Variants in CFAP74 observed in about 807,000 individuals in gnomAD.
CFAP74 encodes the protein cilia and flagella associated protein 74.
A neutral mutation model predicts 188.9 loss-of-function variants in CFAP74; 124 were observed. The ratio of observed to expected loss-of-function variants is 0.66; its 90% CI spans 0.57 to 0.76. The LOEUF is 0.76. CFAP74 is among the 30% of genes least tolerant of loss of function. The pLI, the probability that CFAP74 is intolerant of heterozygous loss-of-function variation, is 0.00. For synonymous variants in CFAP74, 956 were observed against 916.7 expected, an observed-to-expected ratio of 1.04 and a Z score of -0.77; for missense variants, 2,198 against 2,165.2, an observed-to-expected ratio of 1.02 and a Z score of -0.30.
At position 1,940,396 on chromosome 1, in the gene CFAP74, G is replaced by A. The variant is rs781714473; in HGVS notation, c.2623C>T (p.Leu875Phe). 6.5e-7 allele frequency: 1 copy of A among 1,529,302 alleles called. No homozygotes were observed. The highest frequency in any genetic ancestry group is 1.2e-5 in the South Asian group (1 of 83,050). The allele number at this position is 1,529,302 out of a possible 1,614,324, so 94.7% of individuals were successfully genotyped here. ...AAATACCTCCCTGCGTCCTCCGGGA[G>A]GGAGTGTCTGAAAGAGGCAGACAAG... ...VQLKFLPRHS[L>F]PEDAGRYFDK... The change falls in exon 23 of 39, where the codon CTC becomes TTC. Residue 875 changes from leucine to phenylalanine, a missense_variant. By Grantham distance (22) the Leu-to-Phe change is conservative. Transcript: ENST00000682832.
Position 1,974,006 on chromosome 1 carries a change from G to A in CFAP74, c.674+19C>T, listed in dbSNP as rs763588177. 3 of 1,532,516 alleles carry A rather than the reference G, an allele frequency of 2.0e-6. No individual in the cohort carries two copies. The highest frequency in any genetic ancestry group is 2.0e-5 in the Admixed American group (1 of 51,008). The allele number at this position is 1,532,516 out of a possible 1,614,324, so 94.9% of individuals were successfully genotyped here. On this transcript the variant is annotated intron_variant, in intron 7 of 38. Coordinates refer to ENST00000682832, the MANE Select transcript of CFAP74 (RefSeq NM_001304360.2). Reference sequence around the variant, plus strand: ...GAAGCTGCTGGGAAGGGATGGAGGTGGGCCTGGGTGTCGCCTACCTGATCC... The same window carrying A: ...GAAGCTGCTGGGAAGGGATGGAGGTAGGCCTGGGTGTCGCCTACCTGATCC...
chr1:1,958,801 C>T (rs1034837728), intron 16 of CFAP74, among the ~76,000 whole-genome samples: 2 of 150,266 alleles, frequency 1.3e-5, no homozygotes, highest in African/African-American at 5.0e-5. Context: ...AAGAATCAGG[C>T]GGGATCCCCC....
rs368209798 is a variant in CFAP74, at chr1:1,987,688, C to T, written c.297-653G>A. Among the ~76,000 whole-genome samples the T allele has an allele frequency of 1.4e-3, 210 of 151,852 alleles. 1 individual carries two copies. Among genetic ancestry groups the T allele is most frequent in the African/African-American group, 4.9e-3 (204 of 41,414 alleles). On this transcript the variant is annotated intron_variant, in intron 4 of 38. Transcript: ENST00000682832. Reference sequence around the variant, plus strand: ...TCCCAAGTGGCTGGGACTACAGGCGCCCACCACCACGCACAGCTAATTTTT... The same window carrying T: ...TCCCAAGTGGCTGGGACTACAGGCGTCCACCACCACGCACAGCTAATTTTT...
intron 13 of CFAP74, among the ~76,000 whole-genome samples, chr1:1,964,399 C>G (rs1655310680): frequency 1.3e-5 from 2 of 152,258 alleles, no homozygotes; most frequent in African/African-American, 4.8e-5. Context: ...TCCAGCCCTC[C>G]ATGGGGATGG....
chr1:1,944,342 G>T lies in CFAP74; in HGVS notation c.2475C>A (p.Leu825=). The T allele has an allele frequency of 6.5e-7, 1 of 1,535,036 alleles. No homozygotes were observed. The highest frequency in any genetic ancestry group is 1.2e-5 in the South Asian group (1 of 84,014). The change falls in exon 21 of 39, where the codon CTC becomes CTA. Residue 825 remains leucine, a synonymous_variant. Transcript: ENST00000682832. ...AGGAGGGGGCTCACCGCGTGTGCAC[G>T]AGCACAGAGTCCTGGTAGAGCCGGT... ...MYDRLYQDSV[L]VHTRSKAALR... is the part of the protein sequence containing the mutation.
intron 25 of CFAP74, among the ~76,000 whole-genome samples, chr1:1,938,205 T>C (rs1653061186): frequency 8.0e-6 from 1 of 124,666 alleles, no homozygotes; most frequent in African/African-American, 3.2e-5. Flanking sequence ...AGTCACATGC[T>C]CACACATACA....
intron 38 of CFAP74, 40 bp downstream of exon 38, chr1:1,922,549 G>A (rs150443722): frequency 1.9e-4 from 300 of 1,602,088 alleles, no homozygotes; most frequent in Middle Eastern, 5.2e-4. Flanking sequence ...AGCCTTTGGC[G>A]TTCCCAGGGC....
intron 26 of CFAP74, 41 bp downstream of exon 26, chr1:1,930,019 G>C (rs1445642358): frequency 1.4e-6 from 2 of 1,477,300 alleles, no homozygotes; most frequent in African/African-American, 2.8e-5. Context: ...AGGTGGCGTG[G>C]AGCTCCTGCT....
At chr1:1,952,716 G>A (rs1243247792) in intron 18 of CFAP74, among the ~76,000 whole-genome samples, 5 of 151,974 alleles carry the variant, frequency 3.3e-5, no homozygotes, top group Non-Finnish European at 5.9e-5. Context: ...ATGCAGTGGT[G>A]CAATCACAGC....
chr1:2,002,703 T>A (rs1158901192), intron 1 of CFAP74, among the ~76,000 whole-genome samples: 1 of 150,372 alleles, frequency 6.7e-6, no homozygotes, highest in Non-Finnish European at 1.5e-5. Flanking sequence ...ATATGTAGTA[T>A]TATATGAAGT....
At position 1,974,195 on chromosome 1, in the gene CFAP74, G is replaced by A. The variant is rs1241957815; in HGVS notation, c.504C>T (p.Asn168=). The change falls in exon 7 of 39, where the codon AAC becomes AAT. Residue 168 remains asparagine, a synonymous_variant. Coordinates refer to ENST00000682832, the MANE Select transcript of CFAP74 (RefSeq NM_001304360.2). ...RTEAVLKESE[N]TMWHIEIQEG... ...CCTGGATCTCGATGTGCCACATGGT[G>A]TTCCTTCAAACAAGAGGCAAAGCAG... is the stretch of plus-strand genomic sequence containing the variant. The A allele has an allele frequency of 5.0e-6, 8 of 1,592,578 alleles. No homozygotes were observed. Among genetic ancestry groups the A allele is most frequent in the Non-Finnish European group, 6.9e-6 (8 of 1,166,576 alleles).
intron 10 of CFAP74, among the ~76,000 whole-genome samples, chr1:1,969,390 G>C (rs1655755562): frequency 8.0e-6 from 1 of 124,508 alleles, no homozygotes; most frequent in South Asian, 2.7e-4. Flanking sequence ...GCCAAGCCCA[G>C]CCTTGCCCAG....
At chr1:1,922,518 G>A in intron 38 of CFAP74, 71 bp downstream of exon 38, 2 of 1,579,998 alleles carry the variant, frequency 1.3e-6, no homozygotes, top group Non-Finnish European at 1.7e-6. Flanking sequence ...CCTGGGACTG[G>A]GCAGGGGTGT....
At position 1,990,935 on chromosome 1, in the gene CFAP74, G is replaced by A; in HGVS notation, c.22C>T (p.Leu8Phe). The A allele has an allele frequency of 6.2e-7, 1 of 1,612,982 alleles. No homozygotes were observed. Among genetic ancestry groups the A allele is most frequent in the Non-Finnish European group, 8.5e-7 (1 of 1,179,700 alleles). The change falls in exon 2 of 39, where the codon CTC becomes TTC. Residue 8 changes from leucine to phenylalanine, a missense_variant. Physicochemically the swap from Leu to Phe is conservative, Grantham distance 22. Transcript: ENST00000682832. ...TCGGCCAAAAGCTCGTCCTCAGGGA[G>A]CAGGCTGCCGTCATCCTCCATGCTG... MEDDGSL[L>F]PEDELLADAL...
At chr1:1,972,510 TAC>T (rs1656159387) in intron 8 of CFAP74, among the ~76,000 whole-genome samples, 1 of 152,182 alleles carries the variant, frequency 6.6e-6, no homozygotes, top group Admixed American at 6.5e-5. Flanking sequence ...GCACTAAAAA[TAC>T]ACACTTATTG....
chr1:1,939,092 G>C (rs1443240341), intron 24 of CFAP74, 104 bp from the exon 25 acceptor site: 13 of 1,169,424 alleles, frequency 1.1e-5, no homozygotes, highest in Non-Finnish European at 1.6e-5. Context: ...GTGATCGTGT[G>C]TGAGCGAATG....
intron 18 of CFAP74, among the ~76,000 whole-genome samples, chr1:1,951,530 T>A (rs1245702898): frequency 1.3e-5 from 2 of 152,270 alleles, no homozygotes; most frequent in African/African-American, 4.8e-5. Context: ...ACCACCACAC[T>A]GTCTTGTTAC....
chr1:1,992,575 G>A lies in CFAP74; in HGVS notation c.-19-1600C>T, dbSNP rs573070135. Reference sequence around the variant, plus strand: ...TGCAAGCTCTGCCTCCTGGGTTCACGCCCCTCTCCTGTCTCAGCCTCCCGA... The same window carrying A: ...TGCAAGCTCTGCCTCCTGGGTTCACACCCCTCTCCTGTCTCAGCCTCCCGA... On this transcript the variant is annotated intron_variant, in intron 1 of 38. Transcript: ENST00000682832. Among the ~76,000 whole-genome samples the A allele has an allele frequency of 6.4e-4, 97 of 151,712 alleles. 1 individual carries two copies. Among genetic ancestry groups the A allele is most frequent in the African/African-American group, 2.0e-3 (83 of 41,312 alleles).
At chr1:1,991,055 A>T in intron 1 of CFAP74, 80 bp from the exon 2 acceptor site, 17 of 952,886 alleles carry the variant, frequency 1.8e-5, no homozygotes, top group East Asian at 5.4e-5. Flanking sequence ...CTCTTAAAGA[A>T]GGCATTAAGA....
Sources: gnomAD v4.1 joint callset for allele counts (sites outside exome capture counted in the v4.1 genomes callset) on GRCh38, gnomAD v4.1.1 for gene constraint, MANE v1.5 for transcripts, NCBI Gene and HGNC (gene_info 2026-07-23, HGNC 2026-07-21) for gene names.